Variants in CRTAC1 observed in about 807,000 individuals in gnomAD.
CRTAC1 encodes the protein cartilage acidic protein 1, also known as acidic secreted protein in cartilage.
CRTAC1 carries 37 observed loss-of-function variants against 67.8 expected under a neutral mutation model. The observed-to-expected ratio is 0.55, with a 90% confidence interval of 0.42 to 0.72. The LOEUF (loss-of-function observed/expected upper bound fraction) is 0.72, where lower values mean the gene tolerates loss of function less well. CRTAC1 is among the 30% of genes least tolerant of loss of function. The probability of loss-of-function intolerance (pLI) is 0.00; values close to 1 mark genes in which losing one functional copy is unlikely to be tolerated. For synonymous variants in CRTAC1, 348 were observed against 371.0 expected (o/e 0.94, Z 0.71); for missense variants, 780 against 931.6 (o/e 0.84, Z 2.12).
Position 97,904,544 on chromosome 10 carries a change from G to A in CRTAC1, c.996+125C>T, listed in dbSNP as rs182221135. The A allele has an allele frequency of 2.2e-3, 1,831 of 819,322 alleles. 2 individuals are homozygous for A. The highest frequency in any genetic ancestry group is 2.6e-3 in the Non-Finnish European group (1,522 of 575,056). 50.8% of individuals were successfully genotyped at this position (819,322 alleles called of 1,614,324 possible). On this transcript the variant is annotated intron_variant, in intron 7 of 14. Coordinates refer to ENST00000370597, the MANE Select transcript of CRTAC1 (RefSeq NM_018058.7). ...TCAAGATTCCTGTGCCTCAGCTACC[G>A]GAGTAGCTGGGATTATAGGCACGCA...
At chr10:97,901,118 GTAGCCCCTTTTCCTGGTAGTGATTGGAC>G (rs2050533771) in intron 8 of CRTAC1, among the ~76,000 whole-genome samples, 3 of 144,362 alleles carry the variant, frequency 2.1e-5, no homozygotes, top group African/African-American at 8.2e-5. Context: ...ATTGGACCCC[GTAGCCCCTTTTCCTGGTAGTGATTGGAC>G]CCCGTAGCCC....
intron 3 of CRTAC1, among the ~76,000 whole-genome samples, chr10:97,925,551 TGA>T (rs916981949): frequency 7.0e-6 from 1 of 142,658 alleles, no homozygotes; most frequent in African/African-American, 2.7e-5. Context: ...GAGTGAGTGT[TGA>T]GAGGGGATGA....
chr10:98,007,971 A>C (rs1842825218), intron 2 of CRTAC1, among the ~76,000 whole-genome samples: 1 of 152,186 alleles, frequency 6.6e-6, no homozygotes, highest in Non-Finnish European at 1.5e-5. Flanking sequence ...AATCCCCTGC[A>C]CATCAAAGGA....
intron 12 of CRTAC1, 41 bp from the exon 13 acceptor site, chr10:97,882,869 A>G (rs534846878): frequency 4.4e-6 from 7 of 1,606,276 alleles, no homozygotes; most frequent in Non-Finnish European, 6.0e-6. Flanking sequence ...TGAGTTGAGA[A>G]GGTCCCATCC....
intron 3 of CRTAC1, among the ~76,000 whole-genome samples, chr10:97,932,051 G>C (rs1024043838): frequency 2.6e-5 from 4 of 152,194 alleles, no homozygotes; most frequent in African/African-American, 9.7e-5. Flanking sequence ...TCCTGGGATG[G>C]TGGTCAGTCT....
intron 11 of CRTAC1, among the ~76,000 whole-genome samples, chr10:97,892,745 T>C (rs1461461046): frequency 6.6e-6 from 1 of 152,170 alleles, no homozygotes; most frequent in Non-Finnish European, 1.5e-5. Context: ...GGACTATGTA[T>C]TTAAAAGGTA....
intron 2 of CRTAC1, among the ~76,000 whole-genome samples, chr10:97,972,154 G>A (rs2051725299): frequency 6.6e-6 from 1 of 152,250 alleles, no homozygotes; most frequent in South Asian, 2.1e-4. Flanking sequence ...TTCTTCAGAT[G>A]GAAGGTACAA....
intron 11 of CRTAC1, among the ~76,000 whole-genome samples, chr10:97,884,759 G>A (rs2050258517): frequency 6.6e-6 from 1 of 152,186 alleles, no homozygotes; most frequent in South Asian, 2.1e-4. Flanking sequence ...TAGCAGACAG[G>A]CCAAGCATCA....
intron 14 of CRTAC1, chr10:97,879,945 A>G: frequency 1.3e-6 from 1 of 785,650 alleles, no homozygotes; most frequent in Non-Finnish European, 2.0e-6. Context: ...GAGTTAGTTT[A>G]TATCCCAGCT....
At position 97,890,339 on chromosome 10, in the gene CRTAC1, C is replaced by T. The variant is rs142741237; in HGVS notation, c.1486+4906G>A. Among the ~76,000 whole-genome samples the T allele has an allele frequency of 3.6e-4, 55 of 152,164 alleles. No homozygotes were observed. In the East Asian group the frequency reaches 0.01, roughly 28 times the overall value. On this transcript the variant is annotated intron_variant, in intron 11 of 14. Transcript: ENST00000370597. ...GCCTAGGCTGGTCTTGAACTCCTGGCCTCAAGCAATCCTCCCTCCTTGGCC... is the reference window on the plus strand; with the variant it reads ...GCCTAGGCTGGTCTTGAACTCCTGGTCTCAAGCAATCCTCCCTCCTTGGCC...
rs534697918 is a variant in CRTAC1, at chr10:97,919,186, G to A, written c.559-1530C>T. 3.3e-5 allele frequency among the ~76,000 whole-genome samples: 5 copies of A among 152,214 alleles called. No individual in the cohort carries two copies. In the East Asian group the frequency reaches 7.7e-4, roughly 24 times the overall value. The stretch of plus-strand genomic sequence containing the variant: ...GGTGAGGCCAAGGAGGGAGCTTAGA[G>A]TTTCCTGTTAGAGTCTCCTGGGTGA... On this transcript the variant is annotated intron_variant, in intron 4 of 14. Coordinates refer to ENST00000370597, the MANE Select transcript of CRTAC1 (RefSeq NM_018058.7).
At chr10:97,956,402 G>C (rs899951785) in intron 2 of CRTAC1, among the ~76,000 whole-genome samples, 69 of 152,192 alleles carry the variant, frequency 4.5e-4, no homozygotes, top group African/African-American at 1.7e-3. Context: ...TGGGACTTGC[G>C]TGAGCCCCTG....
chr10:97,884,421 C>T (rs2050254290), intron 11 of CRTAC1, 70 bp from the exon 12 acceptor site: 21 of 1,350,518 alleles, frequency 1.6e-5, no homozygotes, highest in Middle Eastern at 2.3e-4. Context: ...GCATCAGCAT[C>T]AACTAATTCA....
intron 2 of CRTAC1, among the ~76,000 whole-genome samples, chr10:97,999,193 C>T (rs531898003): frequency 1.7e-4 from 26 of 152,328 alleles, no homozygotes; most frequent in South Asian, 8.3e-4. Context: ...AGGACTCCCA[C>T]GCAGGGGAGA....
intron 1 of CRTAC1, among the ~76,000 whole-genome samples, chr10:98,019,039 G>A (rs1460925510): frequency 6.6e-6 from 1 of 152,198 alleles, no homozygotes; most frequent in Non-Finnish European, 1.5e-5. Context: ...GGGTGCTGCG[G>A]AGGAGGGAGC....
intron 2 of CRTAC1, among the ~76,000 whole-genome samples, chr10:97,944,148 C>T (rs1353103260): frequency 6.6e-6 from 1 of 152,074 alleles, no homozygotes; most frequent in African/African-American, 2.4e-5. Context: ...TGCTTAAGGG[C>T]CAGGTGCAGT....
intron 13 of CRTAC1, among the ~76,000 whole-genome samples, chr10:97,881,439 G>C (rs2136538385): frequency 6.6e-6 from 1 of 152,304 alleles, no homozygotes. Flanking sequence ...CTTGCTCAGA[G>C]GGTTCTGAAA....
chr10:97,866,946 C>A (rs540332683), intron 14 of CRTAC1: 21 of 152,338 alleles, frequency 1.4e-4, no homozygotes, highest in Admixed American at 1.3e-3. Flanking sequence ...TCCAGCCTGA[C>A]CCCCTGTAAG....
chr10:97,967,889 A>G (rs1467835649), intron 2 of CRTAC1, among the ~76,000 whole-genome samples: 1 of 152,202 alleles, frequency 6.6e-6, no homozygotes, highest in East Asian at 1.9e-4. Flanking sequence ...GAAGTGCCAT[A>G]TAAGGAAAGG....
Sources: gnomAD v4.1 joint callset for allele counts (sites outside exome capture counted in the v4.1 genomes callset) on GRCh38, gnomAD v4.1.1 for gene constraint, MANE v1.5 for transcripts, NCBI Gene and HGNC (gene_info 2026-07-23, HGNC 2026-07-21) for gene names.